Variants in RBFOX1 observed in about 807,000 individuals in gnomAD.
RBFOX1 encodes the protein RNA binding protein fox-1 homolog 1.
RBFOX1 carries 8 observed loss-of-function variants against 57.7 expected under a neutral mutation model. The ratio of observed to expected loss-of-function variants is 0.14; its 90% CI spans 0.08 to 0.25. The LOEUF is 0.25. Among genes scored for constraint, RBFOX1 ranks in the 10% least tolerant of loss-of-function variants. RBFOX1 has a pLI of 1.00. For synonymous variants in RBFOX1, 326 were observed against 222.4 expected, an observed-to-expected ratio of 1.47 and a Z score of -4.15; for missense variants, 611 against 548.5, an observed-to-expected ratio of 1.11 and a Z score of -1.14.
At chr16:6,234,118 G>A (rs1331882936) in intron 1 of RBFOX1, among the ~76,000 whole-genome samples, 2 of 152,108 alleles carry the variant, frequency 1.3e-5, no homozygotes, top group East Asian at 3.9e-4. Flanking sequence ...ATGAGGGGAG[G>A]AGCCTGTATG....
intron 2 of RBFOX1, among the ~76,000 whole-genome samples, chr16:6,543,731 A>C (rs960660945): frequency 6.6e-6 from 1 of 152,134 alleles, no homozygotes; most frequent in African/African-American, 2.4e-5. Flanking sequence ...GTTCACACCG[A>C]AGCATCTTAG....
At chr16:6,760,201 C>A (rs1011981750) in intron 3 of RBFOX1, among the ~76,000 whole-genome samples, 1 of 152,146 alleles carries the variant, frequency 6.6e-6, no homozygotes, top group African/African-American at 2.4e-5. Flanking sequence ...TATTTATTCT[C>A]TAAATAGTTT....
chr16:7,161,638 A>G (rs1032878106), intron 4 of RBFOX1, among the ~76,000 whole-genome samples: 4 of 152,148 alleles, frequency 2.6e-5, no homozygotes, highest in African/African-American at 7.2e-5. Context: ...GGAGCTTTCT[A>G]TGGAGGTAAG....
chr16:7,337,749 A>G lies in RBFOX1; in HGVS notation c.28-180398A>G, dbSNP rs148538962. On this transcript the variant is annotated intron_variant, in intron 4 of 15. Transcript: ENST00000550418. ...ACCCAGGCTGGAGTGCAGGGGCGCA[A>G]TCTCGGCTCATTGCAACCTCCACCT... 4.0e-3 allele frequency among the ~76,000 whole-genome samples: 603 copies of G among 152,242 alleles called. 5 individuals are homozygous for G. The highest frequency in any genetic ancestry group is 0.013 in the African/African-American group (538 of 41,548).
chr16:7,048,874 A>T (rs532696075), intron 3 of RBFOX1, among the ~76,000 whole-genome samples: 16 of 152,140 alleles, frequency 1.1e-4, no homozygotes, highest in Non-Finnish European at 2.2e-4. Flanking sequence ...TTTTGTTTTA[A>T]TAAGCAATCA....
chr16:7,674,228 T>TTTCCCTAATTA (rs2072545798), intron 13 of RBFOX1, among the ~76,000 whole-genome samples: 1 of 152,166 alleles, frequency 6.6e-6, no homozygotes, highest in African/African-American at 2.4e-5. Flanking sequence ...CTAATCCCTT[T>TTTCCCTAATTA]TTCCCTAATT....
At chr16:6,196,334 A>G (rs559175463) in intron 1 of RBFOX1, among the ~76,000 whole-genome samples, 1 of 152,318 alleles carries the variant, frequency 6.6e-6, no homozygotes, top group South Asian at 2.1e-4. Flanking sequence ...TGTTATTTTG[A>G]GCGAGTGACC....
chr16:7,706,047 G>C (rs59325236), intron 14 of RBFOX1, among the ~76,000 whole-genome samples: 1 of 151,990 alleles, frequency 6.6e-6, no homozygotes, highest in Admixed American at 6.5e-5. Context: ...GCTGTGCTCT[G>C]TCTCCGGGCT....
At chr16:7,210,134 T>G (rs1218111272) in intron 4 of RBFOX1, among the ~76,000 whole-genome samples, 1 of 152,164 alleles carries the variant, frequency 6.6e-6, no homozygotes, top group Non-Finnish European at 1.5e-5. Context: ...ATTGTGTGTA[T>G]TCAATAAGGG....
At chr16:6,921,640 TATATA>T (rs201953651) in intron 3 of RBFOX1, among the ~76,000 whole-genome samples, 17,079 of 75,196 alleles carry the variant, frequency 0.23, 1,134 homozygotes, top group African/African-American at 0.34. Flanking sequence ...TATATATATA[TATATA>T]TTTTTTTTTT....
At chr16:7,009,507 C>T (rs539170179) in intron 3 of RBFOX1, among the ~76,000 whole-genome samples, 1 of 152,036 alleles carries the variant, frequency 6.6e-6, no homozygotes, top group African/African-American at 2.4e-5. Flanking sequence ...TTAATCAATC[C>T]AACAGACTTG....
chr16:5,940,134 C>G (rs947894021), intron 4 of RBFOX1, among the ~76,000 whole-genome samples: 36 of 152,302 alleles, frequency 2.4e-4, no homozygotes, highest in African/African-American at 8.7e-4. Context: ...TAATGGTCCC[C>G]TGAGACCATG....
intron 1 of RBFOX1, among the ~76,000 whole-genome samples, chr16:6,276,561 T>G (rs984158209): frequency 1.3e-5 from 2 of 152,190 alleles, no homozygotes; most frequent in Non-Finnish European, 2.9e-5. Flanking sequence ...CAGGTTGGTC[T>G]GGAACTGCTG....
chr16:6,830,097 A>G (rs1018240435), intron 3 of RBFOX1, among the ~76,000 whole-genome samples: 1 of 151,292 alleles, frequency 6.6e-6, no homozygotes, highest in African/African-American at 2.4e-5. Flanking sequence ...TTGTATTTTT[A>G]ATGGAGACAA....
rs138742593 is a variant in RBFOX1 at position 6,708,287 on chromosome 16, A to AACACAC, written c.-16+53650_-16+53655dup. Among the ~76,000 whole-genome samples the AACACAC allele has an allele frequency of 2.5e-3, 361 of 143,108 alleles. 2 individuals carry two copies. The highest frequency in any genetic ancestry group is 0.013 in the East Asian group (63 of 4,712). The allele number at this position is 143,108 out of a possible 152,430, so 93.9% of individuals were successfully genotyped here. The stretch of plus-strand genomic sequence containing the variant: ...CTAGGATAGTCCCAAAGCATTTTTG[A>AACACAC]ACACACACACACACACACTCACACT... On this transcript the variant is annotated intron_variant, in intron 3 of 15. Transcript: ENST00000550418.
At chr16:5,801,525 C>G (rs2055055735) in intron 3 of RBFOX1, among the ~76,000 whole-genome samples, 1 of 152,118 alleles carries the variant, frequency 6.6e-6, no homozygotes, top group African/African-American at 2.4e-5. Context: ...ACATATGTGT[C>G]TCGACACAGG....
intron 4 of RBFOX1, among the ~76,000 whole-genome samples, chr16:7,488,283 G>C (rs1007902547): frequency 6.6e-6 from 1 of 152,158 alleles, no homozygotes; most frequent in Non-Finnish European, 1.5e-5. Flanking sequence ...TGGCTGTGCA[G>C]TTTCCCTTTC....
At chr16:6,629,927 T>A (rs1199852816) in intron 2 of RBFOX1, among the ~76,000 whole-genome samples, 1 of 151,272 alleles carries the variant, frequency 6.6e-6, no homozygotes, top group Non-Finnish European at 1.5e-5. Flanking sequence ...GCTACATAAA[T>A]GCTAATTTTA....
At chr16:7,055,125 T>TA (rs1253413059) in intron 4 of RBFOX1, among the ~76,000 whole-genome samples, 12 of 152,270 alleles carry the variant, frequency 7.9e-5, no homozygotes, top group South Asian at 2.1e-4. Flanking sequence ...AATACCATGT[T>TA]AAAAAAAGCT....
Sources: allele counts gnomAD v4.1 joint callset (sites outside exome capture counted in the v4.1 genomes callset), GRCh38; gene constraint gnomAD v4.1.1; transcripts MANE v1.5; gene names NCBI Gene and HGNC (gene_info 2026-07-23, HGNC 2026-07-21).